The following ADAM11 variants were observed in gnomAD, a reference collection of about 807,000 sequenced individuals.
The protein encoded by ADAM11 is ADAM metallopeptidase domain 11.
Under a neutral mutation model 119.1 loss-of-function variants are expected in ADAM11, and 49 were observed. The ratio of observed to expected loss-of-function variants is 0.41; its 90% CI spans 0.33 to 0.52. The LOEUF (loss-of-function observed/expected upper bound fraction) is 0.52. Ranked by LOEUF, ADAM11 falls within the 20% of genes least tolerant of loss-of-function variation. ADAM11 has a pLI of 0.20. For missense variants in ADAM11, 777 were observed against 1,047.5 expected (o/e 0.74, Z 3.56); for synonymous variants, 364 against 408.0 (o/e 0.89, Z 1.30).
chr17:44,777,897 C>T lies in ADAM11; in HGVS notation c.2070+34C>T. 1.2e-6 allele frequency: 2 copies of T among 1,613,704 alleles called. No homozygotes were observed. The highest frequency in any genetic ancestry group is 1.7e-6 in the Non-Finnish European group (2 of 1,179,960). ...CTGGAGCCTGGGATGGCGGGAGAAGCTTACAAGAGGGGACAGGCCCCTGCT... is the reference window on the plus strand; with the variant it reads ...CTGGAGCCTGGGATGGCGGGAGAAGTTTACAAGAGGGGACAGGCCCCTGCT... On this transcript the variant is annotated intron_variant, in intron 23 of 26. Transcript: ENST00000200557. This position sits in a 1 kb window ranked among gnomAD's most constrained non-coding sequence, Gnocchi z 5.1.
Position 44,777,649 on chromosome 17 carries a change from G to A in ADAM11, c.1902-46G>A, listed in dbSNP as rs1448803616. ...GGGAGGGGAGGTTGCAGCTGTGCTG[G>A]GGGTTAGGAGACAGGGGGCTGAGGC... is the stretch of plus-strand genomic sequence containing the variant. On this transcript the variant is annotated intron_variant, in intron 22 of 26. Transcript: ENST00000200557. The surrounding 1 kb of genome is among the most constrained non-coding windows in gnomAD (Gnocchi z 5.1). The A allele has an allele frequency of 1.2e-6, 2 of 1,613,426 alleles. No homozygotes were observed. The highest frequency in any genetic ancestry group is 1.7e-6 in the Non-Finnish European group (2 of 1,179,588).
In ADAM11 at chr17:44,759,247, G is replaced by A. The variant is rs970175598; in HGVS notation, c.48G>A (p.Leu16=). The A allele has an allele frequency of 1.4e-6, 2 of 1,432,404 alleles. No homozygotes were observed. Among genetic ancestry groups the A allele is most frequent in the South Asian group, 1.4e-5 (1 of 72,836 alleles). 88.7% of individuals were successfully genotyped at this position (1,432,404 alleles called of 1,614,324 possible). A position where few individuals can be genotyped will look rare whatever the true frequency, so the allele number is the denominator to read the frequency against. ...RWAFAALLLS[L]LPTPGLGTQG... is the part of the protein sequence containing the mutation. Reference sequence around the variant, plus strand: ...CGTTCGCGGCTCTGCTGCTGTCGCTGCTCCCCACGCCCGGTGAGTGACCCC... The same window carrying A: ...CGTTCGCGGCTCTGCTGCTGTCGCTACTCCCCACGCCCGGTGAGTGACCCC... The change falls in exon 1 of 27, where the codon CTG becomes CTA. Residue 16 remains leucine (L), a synonymous_variant. Coordinates refer to ENST00000200557, the MANE Select transcript of ADAM11 (RefSeq NM_002390.6).
In ADAM11 at chr17:44,772,715, A is replaced by G; in HGVS notation, c.679-142A>G. 1 of 907,404 alleles carries G rather than the reference A, an allele frequency of 1.1e-6. No homozygotes were observed. Among genetic ancestry groups the G allele is most frequent in the Non-Finnish European group, 1.7e-6 (1 of 587,152 alleles). The allele number at this position is 907,404 out of a possible 1,614,324, so 56.2% of individuals were successfully genotyped here. On this transcript the variant is annotated intron_variant, in intron 8 of 26. Coordinates refer to ENST00000200557, the MANE Select transcript of ADAM11 (RefSeq NM_002390.6). This position sits in a 1 kb window ranked among gnomAD's most constrained non-coding sequence, Gnocchi z 4.5. ...CCTCATTCCAAAGCTGAGGAAGGAC[A>G]GGACCCTCTGCCAGTGGGGAGCTGG...
chr17:44,777,611 A>G lies in ADAM11; in HGVS notation c.1901+10A>G. ...AGGAGCTGGACTGCAGGTGCTGGCC[A>G]GGACCAAGACTAGGGAGGGGAGGTT... On this transcript the variant is annotated intron_variant, in intron 22 of 26. Transcript: ENST00000200557. The surrounding 1 kb of genome is among the most constrained non-coding windows in gnomAD (Gnocchi z 5.1). 1 of 1,614,148 alleles carries G rather than the reference A, an allele frequency of 6.2e-7. No homozygotes were observed. The highest frequency in any genetic ancestry group is 8.5e-7 in the Non-Finnish European group (1 of 1,180,016).
rs755352250 is a variant in ADAM11, at chr17:44,775,559, C to T, written c.1393-25C>T. ...GGGAGGATTAGGGCTCGCCCGCCTC[C>T]TTCCCCTCCTCCCGCGTCCCTCAGG... On this transcript the variant is annotated intron_variant, in intron 16 of 26. Transcript: ENST00000200557. The surrounding 1 kb of genome is among the most constrained non-coding windows in gnomAD (Gnocchi z 7.5). 2 of 1,560,810 alleles carry T rather than the reference C, an allele frequency of 1.3e-6. No individual in the cohort carries two copies. Among genetic ancestry groups the T allele is most frequent in the East Asian group, 2.4e-5 (1 of 42,272 alleles).
At position 44,780,351 on chromosome 17, in the gene ADAM11, GCA is replaced by G. The variant is rs2049676191; in HGVS notation, c.*600_*601del. On this transcript the variant is annotated 3_prime_UTR_variant, in exon 27 of 27. Transcript: ENST00000200557. Reference sequence around the variant, plus strand: ...ACCACACCCGAAGTCCTGTCACTGAGCACAGTCAGGGGCTGGGCATCCCAGCT... The same window carrying G: ...ACCACACCCGAAGTCCTGTCACTGAGCAGTCAGGGGCTGGGCATCCCAGCT... The G allele has an allele frequency of 2.8e-6, 1 of 352,064 alleles. No homozygotes were observed. Among genetic ancestry groups the G allele is most frequent in the South Asian group, 2.2e-5 (1 of 45,514 alleles). 21.8% of individuals were successfully genotyped at this position (352,064 alleles called of 1,614,324 possible).
Position 44,774,225 on chromosome 17 carries a change from AG to A in ADAM11, c.993-68del, listed in dbSNP as rs2049567021. ...GGACTCTAGTGTGAGGGGCTCCCCA[AG>A]GCCCCACCACCACCCGGGGAGCCAC... On this transcript the variant is annotated intron_variant, in intron 11 of 26. Transcript: ENST00000200557. The A allele has an allele frequency of 5.8e-6, 6 of 1,038,784 alleles. No homozygotes were observed. The African/African-American group carries it at 6.6e-5, about 11-fold the overall frequency. The allele number at this position is 1,038,784 out of a possible 1,614,324, so 64.3% of individuals were successfully genotyped here. A position where few individuals can be genotyped will look rare whatever the true frequency, so the allele number is the denominator to read the frequency against.
At chr17:44,774,775 G>T in intron 14 of ADAM11, 26 bp downstream of exon 14, 1 of 1,588,568 alleles carries the variant, frequency 6.3e-7, no homozygotes, top group Non-Finnish European at 8.5e-7. Flanking sequence ...CAAACCGGGG[G>T]AAGGTCTTGG....
Position 44,772,417 on chromosome 17 carries a change from C to T in ADAM11, c.629C>T (p.Pro210Leu), listed in dbSNP as rs1345904940. Residue 210 changes from proline to leucine, a missense_variant, in exon 8 of 27, where the codon CCT becomes CTT. Physicochemically the swap from Pro to Leu is moderately conservative, Grantham distance 98. This residue lies in a region of ADAM11 where 278 missense variants were observed against 310.1 expected (regional missense o/e 0.90). Coordinates refer to ENST00000200557, the MANE Select transcript of ADAM11 (RefSeq NM_002390.6). The surrounding 1 kb of genome is among the most constrained non-coding windows in gnomAD (Gnocchi z 4.5). ...CCCACAGGCTGCCTGTTTGCTGTGC[C>T]TGCCCAGTCGGCTCCTCCAAACCGG... The part of the protein sequence containing the change: ...CREPGCLFAV[P>L]AQSAPPNRPR... The T allele has an allele frequency of 3.2e-6, 5 of 1,578,370 alleles. No individual in the cohort carries two copies. Among genetic ancestry groups the T allele is most frequent in the Non-Finnish European group, 4.3e-6 (5 of 1,161,440 alleles).
chr17:44,768,889 C>G (rs547531887), intron 2 of ADAM11, among the ~76,000 whole-genome samples: 1 of 152,290 alleles, frequency 6.6e-6, no homozygotes, highest in South Asian at 2.1e-4. Context: ...GGCCCCAGCC[C>G]TGAGTCCTCT....
chr17:44,767,905 G>T (rs1281642399), intron 2 of ADAM11, among the ~76,000 whole-genome samples: 1 of 152,178 alleles, frequency 6.6e-6, no homozygotes, highest in Non-Finnish European at 1.5e-5. Flanking sequence ...CCTCCTGAGT[G>T]AGGGAGATTC....
chr17:44,775,555 C>T lies in ADAM11; in HGVS notation c.1393-29C>T. The T allele has an allele frequency of 6.4e-7, 1 of 1,558,854 alleles. No individual in the cohort carries two copies. The highest frequency in any genetic ancestry group is 8.7e-7 in the Non-Finnish European group (1 of 1,154,894). ...GAGTGGGAGGATTAGGGCTCGCCCGCCTCCTTCCCCTCCTCCCGCGTCCCT... is the reference window on the plus strand; with the variant it reads ...GAGTGGGAGGATTAGGGCTCGCCCGTCTCCTTCCCCTCCTCCCGCGTCCCT... On this transcript the variant is annotated intron_variant, in intron 16 of 26. Transcript: ENST00000200557. The surrounding 1 kb of genome is among the most constrained non-coding windows in gnomAD (Gnocchi z 7.5).
chr17:44,769,745 G>A lies in ADAM11; in HGVS notation c.265G>A (p.Val89Ile), dbSNP rs371761569. 74 of 1,613,976 alleles carry A rather than the reference G, an allele frequency of 4.6e-5. No homozygotes were observed. In the African/African-American group the frequency reaches 5.1e-4, roughly 11 times the overall value. Reference protein sequence around the residue: ...PPVHLAQVSFVIPAFNSNFTL... With the variant: ...PPVHLAQVSFIIPAFNSNFTL... ...TGTCCATCTGGCCCAGGTGAGTTTCGTCATCCCAGCCTTCAACTCAAACTT... is the reference window on the plus strand; with the variant it reads ...TGTCCATCTGGCCCAGGTGAGTTTCATCATCCCAGCCTTCAACTCAAACTT... Residue 89 changes from valine (V) to isoleucine (I), a missense_variant, in exon 3 of 27, where the codon GTC becomes ATC. Around this residue, in one of 4 missense-constraint regions of ADAM11, gnomAD observed 278 missense variants for 310.1 expected, o/e 0.90. Coordinates refer to ENST00000200557, the MANE Select transcript of ADAM11 (RefSeq NM_002390.6).
rs4792955 is a variant in ADAM11, at chr17:44,776,059, A to G, written c.1486-68A>G. On this transcript the variant is annotated intron_variant, in intron 17 of 26. Transcript: ENST00000200557. The surrounding 1 kb of genome is among the most constrained non-coding windows in gnomAD (Gnocchi z 5.2). ...CGGGGATGTGGGGGTCCAGAGAGCG[A>G]GGGGCCTGGGGAGGGCAGGGCCGAG... 978,106 of 1,571,392 alleles carry G rather than the reference A, an allele frequency of 0.62. 306,621 individuals carry two copies. The highest frequency in any genetic ancestry group is 0.8 in the East Asian group (35,236 of 44,236).
chr17:44,774,859 C>A, intron 14 of ADAM11, 110 bp downstream of exon 14: 1 of 1,328,752 alleles, frequency 7.5e-7, no homozygotes, highest in South Asian at 1.4e-5. Flanking sequence ...CTCACAGAAC[C>A]ACTCAGGATC....
intron 12 of ADAM11, 53 bp from the exon 13 acceptor site, chr17:44,774,439 G>A: frequency 1.9e-6 from 3 of 1,592,190 alleles, no homozygotes; most frequent in Non-Finnish European, 2.6e-6. Flanking sequence ...TCAGGGGCAC[G>A]ACGTGCCTGT....
intron 25 of ADAM11, 71 bp from the exon 26 acceptor site, chr17:44,779,151 C>T: frequency 1.3e-6 from 2 of 1,546,360 alleles, no homozygotes; most frequent in Middle Eastern, 1.7e-4. Context: ...CAGCCAAAGG[C>T]CCCTCCCTGA....
In ADAM11 at chr17:44,780,146, T is replaced by C. The variant is rs1241009607; in HGVS notation, c.*392T>C. The C allele has an allele frequency of 3.4e-6, 2 of 595,190 alleles. No individual in the cohort carries two copies. Among genetic ancestry groups the C allele is most frequent in the Admixed American group, 4.3e-5 (2 of 46,502 alleles). 36.9% of individuals were successfully genotyped at this position (595,190 alleles called of 1,614,324 possible). On this transcript the variant is annotated 3_prime_UTR_variant, in exon 27 of 27. Transcript: ENST00000200557. Reference sequence around the variant, plus strand: ...CAACCAGGCAGCTGAGACCAGGGTCTTACCTCTCTGGGACCTAGGGGGACG... The same window carrying C: ...CAACCAGGCAGCTGAGACCAGGGTCCTACCTCTCTGGGACCTAGGGGGACG...
Position 44,777,412 on chromosome 17 carries a change from G to A in ADAM11, c.1782-70G>A, listed in dbSNP as rs2049619127. Reference sequence around the variant, plus strand: ...ATGAGGTGGCAGGGTGCAGGGTGAGGGCAGATTAGAGTTCAGTAGTTGAGT... The same window carrying A: ...ATGAGGTGGCAGGGTGCAGGGTGAGAGCAGATTAGAGTTCAGTAGTTGAGT... On this transcript the variant is annotated intron_variant, in intron 21 of 26. Coordinates refer to ENST00000200557, the MANE Select transcript of ADAM11 (RefSeq NM_002390.6). The surrounding 1 kb of genome is among the most constrained non-coding windows in gnomAD (Gnocchi z 5.1). 1 of 1,568,688 alleles carries A rather than the reference G, an allele frequency of 6.4e-7. No individual in the cohort carries two copies. Among genetic ancestry groups the A allele is most frequent in the South Asian group, 1.1e-5 (1 of 88,790 alleles).
Sources: gnomAD v4.1 joint callset for allele counts (sites outside exome capture counted in the v4.1 genomes callset) on GRCh38, gnomAD v4.1.1 for gene constraint, gnomAD v4.1.1 regional missense constraint, Gnocchi (gnomAD v3.1) non-coding constraint, MANE v1.5 for transcripts, NCBI Gene and HGNC (gene_info 2026-07-23, HGNC 2026-07-21) for gene names.